EIF4E3: variants seen among roughly 807,000 people sequenced by gnomAD.
EIF4E3 encodes the protein eukaryotic translation initiation factor 4E type 3.
A neutral mutation model predicts 31.7 loss-of-function variants in EIF4E3; 26 were observed. The ratio of observed to expected loss-of-function variants is 0.82; its 90% CI spans 0.60 to 1.14. The LOEUF (loss-of-function observed/expected upper bound fraction) is 1.14. EIF4E3 is among the 50% of genes most tolerant of loss of function. EIF4E3 has a pLI of 0.00. For missense variants in EIF4E3, 304 were observed against 270.9 expected, an observed-to-expected ratio of 1.12 and a Z score of -0.86; for synonymous variants, 128 against 107.7, an observed-to-expected ratio of 1.19 and a Z score of -1.17.
rs1403406733 is a variant in EIF4E3 at position 71,683,251 on chromosome 3, T to C, written c.*1431A>G. 1 of 152,238 alleles carries C rather than the reference T, an allele frequency of 6.6e-6. No individual in the cohort carries two copies. The highest frequency in any genetic ancestry group is 1.5e-5 in the Non-Finnish European group (1 of 68,056). 9.4% of individuals were successfully genotyped at this position (152,238 alleles called of 1,614,324 possible). ...TTATCTACAAACACATAGTGGAGGC[T>C]TAAAGTAGCCTCAAGTCTCTCTGCT... On this transcript the variant is annotated 3_prime_UTR_variant, in exon 7 of 7. Coordinates refer to ENST00000425534, the MANE Select transcript of EIF4E3 (RefSeq NM_001134651.2).
At chr3:71,724,130 C>T (rs1464574352) in intron 1 of EIF4E3, among the ~76,000 whole-genome samples, 1 of 152,192 alleles carries the variant, frequency 6.6e-6, no homozygotes, top group Admixed American at 6.5e-5. Context: ...AGAATAGACA[C>T]GGTTTCATCA....
At chr3:71,669,768 C>T in the EIF4E3 span, among the ~76,000 whole-genome samples, 2 of 151,970 alleles carry the variant, frequency 1.3e-5, no homozygotes, top group Non-Finnish European at 2.9e-5. Flanking sequence ...GGAGTCTCCA[C>T]ATGGGCAGAG....
chr3:71,715,256 C>G (rs937155148), intron 1 of EIF4E3, among the ~76,000 whole-genome samples: 37 of 152,206 alleles, frequency 2.4e-4, no homozygotes, highest in Non-Finnish European at 1.0e-4. Flanking sequence ...TGCAAAGAAA[C>G]CCTCCTGGCA....
At chr3:71,739,417 T>C (rs1354741917) in intron 1 of EIF4E3, among the ~76,000 whole-genome samples, 4 of 152,122 alleles carry the variant, frequency 2.6e-5, no homozygotes, top group Non-Finnish European at 5.9e-5. Flanking sequence ...TGTCACAGGC[T>C]GGGAGTAGTT....
intron 5 of EIF4E3, among the ~76,000 whole-genome samples, chr3:71,690,738 T>C (rs2108022170): frequency 6.6e-6 from 1 of 152,312 alleles, no homozygotes; most frequent in South Asian, 2.1e-4. Flanking sequence ...TATGAATTCT[T>C]CCTGCTTCCT....
chr3:71,727,654 A>G (rs112454921), upstream of EIF4E3, among the ~76,000 whole-genome samples: 385 of 152,360 alleles, frequency 2.5e-3, 3 homozygotes, highest in Middle Eastern at 0.027. Context: ...TTGCTTTGCA[A>G]AGTGGTTACA....
chr3:71,738,978 G>GTATATATA lies in EIF4E3; in HGVS notation c.-290-10363_-290-10356dup, dbSNP rs56982495. The stretch of plus-strand genomic sequence containing the variant: ...TTTCCAAATGCCTGAAAATTGAACA[G>GTATATATA]TATATATATATATATATATATATAT... On this transcript the variant is annotated intron_variant, in intron 1 of 7. Coordinates refer to the EIF4E3 transcript ENST00000295612. Among the ~76,000 whole-genome samples the GTATATATA allele has an allele frequency of 6.6e-3, 636 of 95,750 alleles. 15 individuals carry two copies. The highest frequency in any genetic ancestry group is 0.012 in the African/African-American group (238 of 19,740). The allele number at this position is 95,750 out of a possible 152,430, so 62.8% of individuals were successfully genotyped here.
At chr3:71,710,361 G>GGT in intron 2 of EIF4E3, 51 bp downstream of exon 2, 1 of 1,528,082 alleles carries the variant, frequency 6.5e-7, no homozygotes, top group South Asian at 1.2e-5. Flanking sequence ...TGGGTGATTA[G>GGT]GTGTCTGACG....
At position 71,693,946 on chromosome 3, in the gene EIF4E3, T is replaced by A. The variant is rs1307229636; in HGVS notation, c.406-5A>T. ...CAACTCTTTCCAAACTGTGGACTGA[T>A]ATGGGAAAAGAATAAAAAACAAAAC... On this transcript the variant is annotated splice_region_variant and splice_polypyrimidine_tract_variant and intron_variant, in intron 4 of 6. Transcript: ENST00000425534. 1 of 1,572,294 alleles carries A rather than the reference T, an allele frequency of 6.4e-7. No homozygotes were observed. The highest frequency in any genetic ancestry group is 1.2e-5 in the South Asian group (1 of 85,662).
rs541898597 is a variant in EIF4E3, at chr3:71,713,831, T to C, written c.177-3347A>G. The stretch of plus-strand genomic sequence containing the variant: ...TTTCCAATGGATAGGGTAGGGAAGA[T>C]CTTCACAAAAACCAAAAGGGTTACA... On this transcript the variant is annotated intron_variant, in intron 1 of 6. Coordinates refer to ENST00000425534, the MANE Select transcript of EIF4E3 (RefSeq NM_001134651.2). 2.2e-4 allele frequency among the ~76,000 whole-genome samples: 33 copies of C among 152,118 alleles called. No individual in the cohort carries two copies. In the South Asian group the frequency reaches 6.7e-3, roughly 31 times the overall value.
intron 5 of EIF4E3, among the ~76,000 whole-genome samples, chr3:71,691,375 C>T (rs2049061239): frequency 6.6e-6 from 1 of 152,126 alleles, no homozygotes; most frequent in Non-Finnish European, 1.5e-5. Flanking sequence ...TAAAGTAATT[C>T]CTTTCTTTTC....
At chr3:71,698,601 A>G (rs950013948) in intron 3 of EIF4E3, among the ~76,000 whole-genome samples, 1 of 152,210 alleles carries the variant, frequency 6.6e-6, no homozygotes, top group South Asian at 2.1e-4. Flanking sequence ...AGGCTAGCCT[A>G]TGAGAGCACT....
intron 1 of EIF4E3, among the ~76,000 whole-genome samples, chr3:71,750,910 C>T (rs1228760979): frequency 1.3e-5 from 2 of 151,816 alleles, no homozygotes; most frequent in African/African-American, 4.8e-5. Flanking sequence ...ACTACAGGCG[C>T]CTGCCACCAT....
At chr3:71,736,968 TA>T (rs1350475280) in intron 1 of EIF4E3, among the ~76,000 whole-genome samples, 5 of 152,168 alleles carry the variant, frequency 3.3e-5, no homozygotes, top group Non-Finnish European at 5.9e-5. Context: ...GAAACTGCTC[TA>T]AAAAAAGAAA....
At chr3:71,707,871 CTTTT>C (rs35421624) in intron 2 of EIF4E3, among the ~76,000 whole-genome samples, 4 of 133,258 alleles carry the variant, frequency 3.0e-5, no homozygotes, top group African/African-American at 5.6e-5. Context: ...CTAATTCATT[CTTTT>C]TTTTTTTTTT....
the EIF4E3 span, among the ~76,000 whole-genome samples, chr3:71,669,687 C>T: frequency 1.3e-4 from 19 of 151,866 alleles, no homozygotes; most frequent in African/African-American, 3.4e-4. Flanking sequence ...CTCAACGTCT[C>T]GGTGAAGGCC....
intron 2 of EIF4E3, 41 bp from the exon 3 acceptor site, chr3:71,699,749 ATTGAT>A (rs2049189188): frequency 6.6e-7 from 1 of 1,518,820 alleles, no homozygotes. Flanking sequence ...TATACCCAGT[ATTGAT>A]TTATTATGCT....
chr3:71,726,896 CAAG>C (rs1372084290), upstream of EIF4E3, among the ~76,000 whole-genome samples: 1 of 152,084 alleles, frequency 6.6e-6, no homozygotes. Flanking sequence ...TTCATTTTTC[CAAG>C]AAGCGTGGTA....
chr3:71,704,633 G>A (rs2049265259), intron 2 of EIF4E3, among the ~76,000 whole-genome samples: 1 of 152,198 alleles, frequency 6.6e-6, no homozygotes, highest in Admixed American at 6.5e-5. Flanking sequence ...ACATAGCAGG[G>A]GTCTTCATAA....
Sources: allele counts gnomAD v4.1 joint callset (sites outside exome capture counted in the v4.1 genomes callset), GRCh38; gene constraint gnomAD v4.1.1; transcripts MANE v1.5; gene names NCBI Gene and HGNC (gene_info 2026-07-23, HGNC 2026-07-21).